C8orf89: variants seen among roughly 807,000 people sequenced by gnomAD.
C8orf89 encodes the protein chromosome 8 open reading frame 89, also known as putative uncharacterized protein C8orf89.
A neutral mutation model predicts 15.8 loss-of-function variants in C8orf89; 14 were observed. The observed-to-expected ratio is 0.89, with a 90% CI of 0.59 to 1.39. The LOEUF (loss-of-function observed/expected upper bound fraction) is 1.39. Among genes scored for constraint, C8orf89 ranks in the 40% most tolerant of loss-of-function variants. The pLI is 0.00. For missense variants in C8orf89, 181 were observed against 184.5 expected, an observed-to-expected ratio of 0.98 and a Z score of 0.11; for synonymous variants, 55 against 62.2, an observed-to-expected ratio of 0.88 and a Z score of 0.54.
the C8orf89 span, among the ~76,000 whole-genome samples, chr8:73,269,749 C>T: frequency 2.0e-5 from 3 of 152,182 alleles, no homozygotes; most frequent in Non-Finnish European, 2.9e-5. Context: ...GCTCCCATGA[C>T]ATAATAACTC....
chr8:73,261,956 CAAAG>C (rs1813537789), upstream of C8orf89, among the ~76,000 whole-genome samples: 1 of 152,138 alleles, frequency 6.6e-6, no homozygotes, highest in Admixed American at 6.5e-5. Context: ...TTCCAAGCAA[CAAAG>C]AAAGAAGAGT....
chr8:73,282,004 G>A, the C8orf89 span, among the ~76,000 whole-genome samples: 14 of 152,312 alleles, frequency 9.2e-5, 1 homozygote, highest in African/African-American at 2.6e-4. Flanking sequence ...GACCAGGGAC[G>A]CCTACCTTGA....
At chr8:73,267,211 A>G in the C8orf89 span, among the ~76,000 whole-genome samples, 1 of 152,178 alleles carries the variant, frequency 6.6e-6, no homozygotes, top group African/African-American at 2.4e-5. Flanking sequence ...ATACATACCT[A>G]TGATAATTTA....
the C8orf89 span, among the ~76,000 whole-genome samples, chr8:73,266,007 C>A: frequency 6.6e-6 from 1 of 152,202 alleles, no homozygotes; most frequent in Non-Finnish European, 1.5e-5. Flanking sequence ...AAGCTACTGT[C>A]ATTTCATGCC....
chr8:73,274,048 A>C, the C8orf89 span, among the ~76,000 whole-genome samples: 3 of 152,208 alleles, frequency 2.0e-5, no homozygotes, highest in Admixed American at 6.5e-5. Context: ...GATTACTGTT[A>C]ACTATTTTCT....
At chr8:73,276,991 G>A in the C8orf89 span, among the ~76,000 whole-genome samples, 5 of 151,682 alleles carry the variant, frequency 3.3e-5, no homozygotes, top group African/African-American at 1.2e-4. Flanking sequence ...GTTTTTAGTA[G>A]AGACAGAGTT....
chr8:73,245,253 G>A (rs11996484), intron 3 of C8orf89, among the ~76,000 whole-genome samples: 1 of 152,098 alleles, frequency 6.6e-6, no homozygotes, highest in Non-Finnish European at 1.5e-5. Context: ...GATTTCAATG[G>A]GGACACAGTC....
chr8:73,250,295 C>G lies in C8orf89; in HGVS notation c.310G>C (p.Val104Leu). Residue 104 changes from valine (V) to leucine (L), a missense_variant, in exon 3 of 4, where the codon GTG (valine) becomes CTG (leucine). Physicochemically the swap from Val to Leu is conservative, Grantham distance 32 (BLOSUM62 1). Coordinates refer to ENST00000624510, the MANE Select transcript of C8orf89 (RefSeq NM_001243237.3). ...TTTGATTTCTCCCAAAGTGGTGCCACACTGCATGTCTCCTTAGTCTTCTTT... is the reference window on the plus strand; with the variant it reads ...TTTGATTTCTCCCAAAGTGGTGCCAGACTGCATGTCTCCTTAGTCTTCTTT... ...RLKKTKETCS[V>L]APLWEKSKGS... 1 of 1,533,152 alleles carries G rather than the reference C, an allele frequency of 6.5e-7. No individual in the cohort carries two copies. The highest frequency in any genetic ancestry group is 1.2e-5 in the South Asian group (1 of 83,672). 95.0% of individuals were successfully genotyped at this position (1,533,152 alleles called of 1,614,324 possible).
intron 3 of C8orf89, among the ~76,000 whole-genome samples, chr8:73,243,823 C>A (rs140126146): frequency 6.6e-6 from 1 of 152,156 alleles, no homozygotes; most frequent in African/African-American, 2.4e-5. Flanking sequence ...AGCCACCGCA[C>A]TCAGTTTTAA....
intron 3 of C8orf89, 61 bp from the exon 4 acceptor site, chr8:73,241,666 T>C: frequency 7.9e-7 from 1 of 1,260,462 alleles, no homozygotes; most frequent in Non-Finnish European, 1.1e-6. Context: ...AATAATATTC[T>C]ATTAAATATA....
At chr8:73,273,775 T>G in the C8orf89 span, among the ~76,000 whole-genome samples, 3 of 151,504 alleles carry the variant, frequency 2.0e-5, no homozygotes, top group Non-Finnish European at 4.4e-5. Flanking sequence ...TGAAAGATAC[T>G]TCAAACTTCA....
chr8:73,273,337 C>A, the C8orf89 span, among the ~76,000 whole-genome samples: 1 of 152,242 alleles, frequency 6.6e-6, no homozygotes, highest in East Asian at 1.9e-4. Flanking sequence ...GCTTGCTTCC[C>A]CTGCCTGGCC....
At chr8:73,250,979 G>C (rs1586163461) in intron 2 of C8orf89, among the ~76,000 whole-genome samples, 1 of 151,408 alleles carries the variant, frequency 6.6e-6, no homozygotes, top group South Asian at 2.1e-4. Context: ...AAAAAAAAAA[G>C]TTTGTAAAGA....
At chr8:73,241,735 C>G in intron 3 of C8orf89, 130 bp from the exon 4 acceptor site, 1 of 682,904 alleles carries the variant, frequency 1.5e-6, no homozygotes, top group Non-Finnish European at 2.1e-6. Flanking sequence ...TCTTATACTA[C>G]AGAGCTATAC....
chr8:73,281,490 C>A, the C8orf89 span, among the ~76,000 whole-genome samples: 1 of 152,044 alleles, frequency 6.6e-6, no homozygotes, highest in Non-Finnish European at 1.5e-5. Context: ...AGTTGTAATA[C>A]AACAATGATT....
chr8:73,258,717 C>A (rs1419316144), intron 1 of C8orf89, among the ~76,000 whole-genome samples: 1 of 151,522 alleles, frequency 6.6e-6, no homozygotes, highest in Non-Finnish European at 1.5e-5. Flanking sequence ...CAGCCTCACC[C>A]TCTCCAGGCT....
chr8:73,284,528 G>A, the C8orf89 span, among the ~76,000 whole-genome samples: 1 of 151,550 alleles, frequency 6.6e-6, no homozygotes, highest in Admixed American at 6.6e-5. Context: ...CATCATAAGT[G>A]AAAAAAGACA....
In C8orf89 at chr8:73,258,247, T is replaced by C. The variant is rs1354348267; in HGVS notation, c.127+1085A>G. 5.3e-5 allele frequency among the ~76,000 whole-genome samples: 8 copies of C among 151,898 alleles called. 1 individual carries two copies. The highest frequency in any genetic ancestry group is 1.9e-4 in the African/African-American group (8 of 41,380). On this transcript the variant is annotated intron_variant, in intron 1 of 3. Coordinates refer to ENST00000624510, the MANE Select transcript of C8orf89 (RefSeq NM_001243237.3). The stretch of plus-strand genomic sequence containing the variant: ...CAACATGGTGAAATCCCATCTCTAC[T>C]AAAAATAACAAAAATCTGCTGCGCA...
At chr8:73,261,006 C>T (rs1465973780), upstream of C8orf89, among the ~76,000 whole-genome samples, 3 of 152,136 alleles carry the variant, frequency 2.0e-5, no homozygotes, top group African/African-American at 7.2e-5. Flanking sequence ...TGCCCTCAAA[C>T]ATTAGACTCC....
Sources: allele counts gnomAD v4.1 joint callset (sites outside exome capture counted in the v4.1 genomes callset), GRCh38; gene constraint gnomAD v4.1.1; transcripts MANE v1.5; gene names NCBI Gene and HGNC (gene_info 2026-07-23, HGNC 2026-07-21).